UBE3A: variants seen among roughly 807,000 people sequenced by gnomAD.
The protein encoded by UBE3A is ubiquitin-protein ligase E3A.
A neutral mutation model predicts 83.4 loss-of-function variants in UBE3A; 6 were observed. The observed-to-expected ratio is 0.07, with a 90% CI of 0.04 to 0.14. The LOEUF is 0.14. Ranked by LOEUF, UBE3A falls within the 10% of genes least tolerant of loss-of-function variation. The pLI, the probability that UBE3A is intolerant of heterozygous loss-of-function variation, is 1.00. For missense variants in UBE3A, 456 were observed against 1,036.1 expected (o/e 0.44, Z 7.69); for synonymous variants, 337 against 355.4 (o/e 0.95, Z 0.58).
intron 4 of UBE3A, among the ~76,000 whole-genome samples, chr15:25,377,679 A>G (rs2081442238): frequency 6.6e-6 from 1 of 152,244 alleles, no homozygotes; most frequent in Non-Finnish European, 1.5e-5. Context: ...CGAAAGTCTT[A>G]AAAACACGAA....
chr15:25,393,610 CAT>C (rs1033639191), intron 4 of UBE3A: 2 of 152,198 alleles, frequency 1.3e-5, no homozygotes, highest in Admixed American at 1.3e-4. Flanking sequence ...TCAAAATTCA[CAT>C]GATTATAAAA....
At chr15:25,415,157 C>T (rs750773791) in intron 1 of UBE3A, among the ~76,000 whole-genome samples, 2 of 152,106 alleles carry the variant, frequency 1.3e-5, no homozygotes, top group Non-Finnish European at 1.5e-5. Context: ...TCAAACTTAC[C>T]AACACTGTCC....
intron 2 of UBE3A, among the ~76,000 whole-genome samples, chr15:25,410,863 A>G (rs2089855096): frequency 6.6e-6 from 1 of 152,202 alleles, no homozygotes; most frequent in Admixed American, 6.5e-5. Flanking sequence ...CACCTTCCCT[A>G]AAATAAACAA....
At chr15:25,359,524 TC>T (rs375292477) in intron 7 of UBE3A, among the ~76,000 whole-genome samples, 19 of 151,000 alleles carry the variant, frequency 1.3e-4, no homozygotes, top group African/African-American at 4.1e-4. Context: ...ACAGCTCAAA[TC>T]TCAAAGCTGA....
intron 1 of UBE3A, among the ~76,000 whole-genome samples, chr15:25,422,613 C>A (rs17115577): frequency 0.073 from 11,089 of 151,966 alleles, 814 homozygotes; most frequent in East Asian, 0.42. Flanking sequence ...CAAAAATATG[C>A]TGAATGCTCA....
intron 11 of UBE3A, among the ~76,000 whole-genome samples, chr15:25,347,453 G>A (rs562644791): frequency 6.6e-6 from 1 of 152,144 alleles, no homozygotes; most frequent in African/African-American, 2.4e-5. Flanking sequence ...TGTAATTCCA[G>A]CACTTTGGGA....
intron 1 of UBE3A, chr15:25,415,888 CT>C (rs1284793952): frequency 1.3e-5 from 2 of 149,740 alleles, no homozygotes; most frequent in African/African-American, 2.5e-5. Context: ...GACCCATGGC[CT>C]TTGAGCTAGT....
chr15:25,399,557 T>C (rs1309422601), intron 4 of UBE3A, among the ~76,000 whole-genome samples: 1 of 151,874 alleles, frequency 6.6e-6, no homozygotes, highest in African/African-American at 2.4e-5. Flanking sequence ...TGGGTCGATG[T>C]GTCTGTTTTT....
intron 6 of UBE3A, among the ~76,000 whole-genome samples, chr15:25,365,132 T>C (rs2078875763): frequency 6.6e-6 from 1 of 152,158 alleles, no homozygotes; most frequent in Non-Finnish European, 1.5e-5. Flanking sequence ...TAAAATGATT[T>C]TTAATTTCTG....
intron 6 of UBE3A, among the ~76,000 whole-genome samples, chr15:25,365,090 CTTT>C (rs980512416): frequency 1.1e-4 from 17 of 152,064 alleles, no homozygotes; most frequent in African/African-American, 3.9e-4. Context: ...ACTTCCTCTT[CTTT>C]AAGACTCTTG....
chr15:25,403,717 G>A (rs2087737012), intron 4 of UBE3A, among the ~76,000 whole-genome samples: 1 of 152,056 alleles, frequency 6.6e-6, no homozygotes, highest in Admixed American at 6.6e-5. Flanking sequence ...TCATCAACAG[G>A]TAAATGGATA....
intron 12 of UBE3A, 72 bp from the exon 13 acceptor site, chr15:25,339,329 C>T: frequency 6.4e-7 from 1 of 1,566,464 alleles, no homozygotes; most frequent in Non-Finnish European, 8.7e-7. Context: ...TTAAATGCTC[C>T]TATTTTTAGA....
chr15:25,344,716 T>C (rs904464228), intron 11 of UBE3A, among the ~76,000 whole-genome samples: 8 of 152,210 alleles, frequency 5.3e-5, no homozygotes, highest in African/African-American at 1.9e-4. Context: ...AAATCTATTT[T>C]ATCATGCCTT....
chr15:25,383,291 T>C (rs1249356174), intron 4 of UBE3A, among the ~76,000 whole-genome samples: 1 of 152,006 alleles, frequency 6.6e-6, no homozygotes, highest in Non-Finnish European at 1.5e-5. Flanking sequence ...CAAAAACCAA[T>C]AATCTCAACT....
chr15:25,397,993 C>G (rs1442535520), intron 4 of UBE3A, among the ~76,000 whole-genome samples: 1 of 151,880 alleles, frequency 6.6e-6, no homozygotes, highest in Non-Finnish European at 1.5e-5. Context: ...AAGAGTTTCA[C>G]TCATACTCAT....
At position 25,409,103 on chromosome 15, in the gene UBE3A, G is replaced by A. The variant is rs772621825; in HGVS notation, c.5C>T (p.Ala2Val). Residue 2 changes from alanine to valine, a missense_variant, in exon 3 of 13, where the codon GCC becomes GTC. Ala to Val is a moderately conservative substitution (Grantham distance 64, BLOSUM62 0). Coordinates refer to ENST00000648336, the MANE Select transcript of UBE3A (RefSeq NM_130839.5). M[A>V]TACKRSGEPQ... Reference sequence around the variant, plus strand: ...TCAAAATTACCTTTTACAAGCTGTGGCCATTCGGTGACATCAGGGTGATCA... The same window carrying A: ...TCAAAATTACCTTTTACAAGCTGTGACCATTCGGTGACATCAGGGTGATCA... 6.3e-7 allele frequency: 1 copy of A among 1,594,776 alleles called. No individual in the cohort carries two copies. Among genetic ancestry groups the A allele is most frequent in the African/African-American group, 1.3e-5 (1 of 74,854 alleles).
At chr15:25,425,560 G>A (rs1341031263) in intron 1 of UBE3A, among the ~76,000 whole-genome samples, 1 of 152,002 alleles carries the variant, frequency 6.6e-6, no homozygotes, top group Admixed American at 6.6e-5. Flanking sequence ...TACTTTTACA[G>A]CTATCTTACA....
chr15:25,361,556 C>A (rs1292985901), intron 6 of UBE3A, among the ~76,000 whole-genome samples: 1 of 151,996 alleles, frequency 6.6e-6, no homozygotes, highest in African/African-American at 2.4e-5. Context: ...ATCATAAAAT[C>A]AACACTAGAT....
intron 4 of UBE3A, among the ~76,000 whole-genome samples, chr15:25,387,378 C>T (rs1471673776): frequency 2.0e-5 from 3 of 151,966 alleles, no homozygotes; most frequent in African/African-American, 4.8e-5. Context: ...AAAAATTAGC[C>T]ACACGTGGTG....
Sources: gnomAD v4.1 joint callset for allele counts (sites outside exome capture counted in the v4.1 genomes callset) on GRCh38, gnomAD v4.1.1 for gene constraint, MANE v1.5 for transcripts, NCBI Gene and HGNC (gene_info 2026-07-23, HGNC 2026-07-21) for gene names.